Variants in CFAP54 observed in about 807,000 individuals in gnomAD.
CFAP54 encodes the protein cilia and flagella associated protein 54, also known as cilia- and flagella-associated protein 54.
Under a neutral mutation model 370.4 loss-of-function variants are expected in CFAP54, and 290 were observed. The observed-to-expected ratio is 0.78, with a 90% CI of 0.71 to 0.86. The LOEUF (loss-of-function observed/expected upper bound fraction) is 0.86. Among genes scored for constraint, CFAP54 ranks in the 40% least tolerant of loss-of-function variants. CFAP54 has a pLI of 0.00. For synonymous variants in CFAP54, 1,206 were observed against 1,236.5 expected (o/e 0.98, Z 0.52); for missense variants, 3,399 against 3,528.7 (o/e 0.96, Z 0.93).
chr12:96,622,020 C>A (rs904065574), intron 27 of CFAP54, among the ~76,000 whole-genome samples: 1 of 150,890 alleles, frequency 6.6e-6, no homozygotes, highest in African/African-American at 2.4e-5. Flanking sequence ...CCCAGTTGGA[C>A]ACTGGACTTA....
intron 58 of CFAP54, among the ~76,000 whole-genome samples, chr12:96,760,533 GTTTA>G (rs1184118368): frequency 6.6e-6 from 1 of 152,078 alleles, no homozygotes; most frequent in African/African-American, 2.4e-5. Flanking sequence ...GAATGATAGA[GTTTA>G]TTTAAGTTTT....
chr12:96,564,077 A>C (rs1212298945), intron 17 of CFAP54, among the ~76,000 whole-genome samples: 6 of 152,200 alleles, frequency 3.9e-5, no homozygotes, highest in Non-Finnish European at 8.8e-5. Context: ...TGGATGAAAC[A>C]GTTTTTCTAG....
chr12:96,535,008 C>CTGTGTGTGTGTGTG (rs4018882), intron 11 of CFAP54, among the ~76,000 whole-genome samples: 3 of 137,338 alleles, frequency 2.2e-5, no homozygotes, highest in African/African-American at 5.6e-5. Flanking sequence ...GTTTTCTTTT[C>CTGTGTGTGTGTGTG]TGTGTGTGTG....
chr12:96,649,032 T>C (rs1956830034), intron 34 of CFAP54, among the ~76,000 whole-genome samples: 1 of 152,218 alleles, frequency 6.6e-6, no homozygotes, highest in Non-Finnish European at 1.5e-5. Context: ...TAAAAATTTA[T>C]TTCTAATGCC....
At chr12:96,650,279 AG>A (rs1181251954) in intron 35 of CFAP54, among the ~76,000 whole-genome samples, 1 of 152,094 alleles carries the variant, frequency 6.6e-6, no homozygotes. Context: ...TGTCAGGCAG[AG>A]GGGGGAAGCT....
intron 22 of CFAP54, among the ~76,000 whole-genome samples, chr12:96,585,479 C>A (rs1349614409): frequency 1.3e-5 from 2 of 152,176 alleles, no homozygotes; most frequent in Non-Finnish European, 2.9e-5. Flanking sequence ...CTTCCTTGAT[C>A]ACCCTATTTA....
Position 96,592,498 on chromosome 12 carries a change from C to G in CFAP54, c.3221C>G (p.Ser1074Ter), listed in dbSNP as rs930632111. The G allele has an allele frequency of 1.6e-6, 1 of 620,722 alleles. No homozygotes were observed. Among genetic ancestry groups the G allele is most frequent in the South Asian group, 2.5e-5 (1 of 39,948 alleles). 38.5% of individuals were successfully genotyped at this position (620,722 alleles called of 1,614,324 possible). ...TTTACTTCATATTGCAGATTACATT[C>G]AGATATTTTGGCAGAGACTTCTTCA... ...IITITQRRLH[S>*]DILAETSSIL... Residue 1074 changes from serine to a stop codon, truncating the protein, a stop_gained, in exon 24 of 68, where the codon TCA becomes TGA. Coordinates refer to ENST00000524981, the MANE Select transcript of CFAP54 (RefSeq NM_001306084.2). LOFTEE classifies it high-confidence loss of function.
chr12:96,579,624 G>A (rs1179285569), intron 20 of CFAP54, among the ~76,000 whole-genome samples: 1 of 152,044 alleles, frequency 6.6e-6, no homozygotes. Context: ...TTTAGGAGTT[G>A]CCTCTGGGAA....
Position 96,828,994 on chromosome 12 carries a change from T to C in CFAP54, c.9097-20T>C, listed in dbSNP as rs1380389420. On this transcript the variant is annotated intron_variant, in intron 65 of 67. Transcript: ENST00000524981. ...TCTAATAATATCAACCTCACTGTAT[T>C]ACTATCTTCTTATTTCTAGGACATG... The C allele has an allele frequency of 7.5e-7, 1 of 1,330,768 alleles. No homozygotes were observed. Among genetic ancestry groups the C allele is most frequent in the South Asian group, 1.3e-5 (1 of 77,248 alleles). 82.4% of individuals were successfully genotyped at this position (1,330,768 alleles called of 1,614,324 possible). A position where few individuals can be genotyped will look rare whatever the true frequency, so the allele number is the denominator to read the frequency against.
intron 36 of CFAP54, among the ~76,000 whole-genome samples, chr12:96,653,289 C>G (rs1348066870): frequency 1.3e-5 from 2 of 152,314 alleles, no homozygotes; most frequent in African/African-American, 4.8e-5. Context: ...GGTGGCCTGT[C>G]ACAACTGTGG....
At chr12:96,530,022 T>G (rs1356896411) in intron 9 of CFAP54, among the ~76,000 whole-genome samples, 1 of 152,188 alleles carries the variant, frequency 6.6e-6, no homozygotes, top group Non-Finnish European at 1.5e-5. Context: ...GAAGTAGAAA[T>G]CAAGATTTAT....
intron 67 of CFAP54, among the ~76,000 whole-genome samples, chr12:96,869,183 T>C (rs1960085075): frequency 6.6e-6 from 1 of 152,224 alleles, no homozygotes; most frequent in Non-Finnish European, 1.5e-5. Flanking sequence ...GAAAGGAATG[T>C]TTTTATTGAC....
At position 96,648,651 on chromosome 12, in the gene CFAP54, C is replaced by T. The variant is rs73239151; in HGVS notation, c.4690+634C>T. Among the ~76,000 whole-genome samples the T allele has an allele frequency of 3.9e-3, 496 of 126,816 alleles. 3 individuals carry two copies. The highest frequency in any genetic ancestry group is 6.1e-3 in the Non-Finnish European group (393 of 64,110). The allele number at this position is 126,816 out of a possible 152,430, so 83.2% of individuals were successfully genotyped here. A position where few individuals can be genotyped will look rare whatever the true frequency, so the allele number is the denominator to read the frequency against. On this transcript the variant is annotated intron_variant, in intron 34 of 67. Transcript: ENST00000524981. Reference sequence around the variant, plus strand: ...TATCACCTGGGCTGGAGTGCAGTGGCGATCTCGGCTGGCTGCAACCTCCGC... The same window carrying T: ...TATCACCTGGGCTGGAGTGCAGTGGTGATCTCGGCTGGCTGCAACCTCCGC...
intron 32 of CFAP54, among the ~76,000 whole-genome samples, chr12:96,635,343 AT>A (rs997886550): frequency 2.0e-4 from 30 of 151,856 alleles, no homozygotes; most frequent in African/African-American, 5.1e-4. Flanking sequence ...TTTTTCATTG[AT>A]TTTTTTCTTC....
chr12:96,765,298 T>C (rs779332365), intron 60 of CFAP54, 80 bp downstream of exon 60: 1 of 1,277,532 alleles, frequency 7.8e-7, no homozygotes, highest in Non-Finnish European at 1.0e-6. Flanking sequence ...TTAATTGTAA[T>C]TTGTTGGCTT....
intron 39 of CFAP54, among the ~76,000 whole-genome samples, chr12:96,677,656 A>G (rs1465097099): frequency 5.9e-5 from 9 of 152,254 alleles, no homozygotes; most frequent in East Asian, 3.9e-4. Context: ...AGGAAGAAGA[A>G]TGAGAGCTTC....
chr12:96,629,548 C>T (rs1956583889), intron 30 of CFAP54, among the ~76,000 whole-genome samples: 3 of 151,692 alleles, frequency 2.0e-5, no homozygotes, highest in South Asian at 2.1e-4. Flanking sequence ...CTCCTGACCT[C>T]GTGATCCACC....
At chr12:96,778,589 C>T (rs1958548926) in intron 60 of CFAP54, among the ~76,000 whole-genome samples, 4 of 152,098 alleles carry the variant, frequency 2.6e-5, no homozygotes, top group Non-Finnish European at 5.9e-5. Flanking sequence ...TTGCTTTGGG[C>T]ATTATTCCAC....
chr12:96,724,057 T>C (rs1957796925), intron 50 of CFAP54, among the ~76,000 whole-genome samples: 1 of 152,058 alleles, frequency 6.6e-6, no homozygotes, highest in Non-Finnish European at 1.5e-5. Context: ...TGTGCCAGTT[T>C]CTTAATCCAG....
Sources: gnomAD v4.1 joint callset for allele counts (sites outside exome capture counted in the v4.1 genomes callset) on GRCh38, gnomAD v4.1.1 for gene constraint, MANE v1.5 for transcripts, NCBI Gene and HGNC (gene_info 2026-07-23, HGNC 2026-07-21) for gene names.